ANO1: variants seen among roughly 807,000 people sequenced by gnomAD.
The protein encoded by ANO1 is anoctamin 1, also known as anoctamin-1.
A neutral mutation model predicts 124.0 loss-of-function variants in ANO1; 59 were observed. The observed-to-expected ratio is 0.48, with a 90% confidence interval of 0.39 to 0.59. The LOEUF (loss-of-function observed/expected upper bound fraction) is 0.59. ANO1 is among the 20% of genes least tolerant of loss of function. ANO1 has a pLI of 0.00. For synonymous variants in ANO1, 529 were observed against 532.0 expected (o/e 0.99, Z 0.08); for missense variants, 1,059 against 1,328.0 (o/e 0.80, Z 3.15).
At chr11:70,140,663 G>T (rs1315652789) in intron 11 of ANO1, among the ~76,000 whole-genome samples, 1 of 152,190 alleles carries the variant, frequency 6.6e-6, no homozygotes, top group African/African-American at 2.4e-5. Context: ...TTATGTAGAG[G>T]ATAACAAAGA....
chr11:70,105,209 C>A (rs545458704), intron 4 of ANO1, among the ~76,000 whole-genome samples: 4 of 152,312 alleles, frequency 2.6e-5, no homozygotes, highest in African/African-American at 9.6e-5. Flanking sequence ...CCCCGAAGTG[C>A]CTTGGAGAGC....
intron 1 of ANO1, among the ~76,000 whole-genome samples, chr11:70,035,402 A>T (rs1857077562): frequency 1.3e-5 from 2 of 152,216 alleles, no homozygotes; most frequent in South Asian, 4.2e-4. Flanking sequence ...TTTAAGCAAA[A>T]CCAAAATAAT....
At chr11:69,987,281 T>A (rs1164398522) in intron 1 of ANO1, among the ~76,000 whole-genome samples, 1 of 152,166 alleles carries the variant, frequency 6.6e-6, no homozygotes. Context: ...AGCTCACGTG[T>A]AGAAATGATC....
chr11:70,146,178 C>A (rs2047370881), intron 11 of ANO1, among the ~76,000 whole-genome samples: 1 of 152,120 alleles, frequency 6.6e-6, no homozygotes, highest in Admixed American at 6.5e-5. Context: ...ACTCTGGAGT[C>A]AAAGAGAATG....
rs1424786527 is a variant in ANO1 at position 70,087,890 on chromosome 11, G to T, written c.247G>T (p.Val83Leu). ...PSGNRTLVRR[V>L]QHSDTPSGAR... ...GGGCAACCGGACCCTGGTCAGGAGG[G>T]TGCAGCACAGCGACACCCCCTCTGG... The change falls in exon 2 of 26, where the codon GTG becomes TTG. Residue 83 changes from valine to leucine, a missense_variant. This residue lies in a region of ANO1 where 250 missense variants were observed against 233.1 expected (regional missense o/e 1.07). Coordinates refer to ENST00000355303, the MANE Select transcript of ANO1 (RefSeq NM_018043.7). The T allele has an allele frequency of 1.9e-6, 3 of 1,611,644 alleles. No homozygotes were observed. The highest frequency in any genetic ancestry group is 2.7e-5 in the African/African-American group (2 of 74,890).
At position 70,163,567 on chromosome 11, in the gene ANO1, G is replaced by A; in HGVS notation, c.1950+227G>A. On this transcript the variant is annotated intron_variant, in intron 19 of 25. Coordinates refer to ENST00000355303, the MANE Select transcript of ANO1 (RefSeq NM_018043.7). ...CCTAGAAGGATAAAGTCGCTGTAGA[G>A]TTAATGAAAGAAAAACACAACATCT... is the stretch of plus-strand genomic sequence containing the variant. The A allele has an allele frequency of 4.9e-6, 3 of 614,800 alleles. No homozygotes were observed. In the South Asian group the frequency reaches 5.9e-5, roughly 12 times the overall value. 38.1% of individuals were successfully genotyped at this position (614,800 alleles called of 1,614,324 possible).
At chr11:70,161,862 G>A in intron 18 of ANO1, 129 bp downstream of exon 18, 1 of 857,042 alleles carries the variant, frequency 1.2e-6, no homozygotes, top group Non-Finnish European at 1.9e-6. Context: ...CAGCCAAAGA[G>A]GGTCAGGGAG....
the ANO1 span, among the ~76,000 whole-genome samples, chr11:69,976,560 A>AGT: frequency 7.2e-6 from 1 of 137,992 alleles, no homozygotes; most frequent in Non-Finnish European, 1.6e-5. Context: ...AAAAAGAGAG[A>AGT]GAGAGAGAGA....
chr11:70,085,781 C>T (rs1395279761), intron 1 of ANO1: 49 of 1,293,388 alleles, frequency 3.8e-5, no homozygotes, highest in Non-Finnish European at 4.5e-5. Flanking sequence ...TCCCCCACTG[C>T]AGTGCTGACT....
intron 1 of ANO1, among the ~76,000 whole-genome samples, chr11:70,025,882 T>C (rs1180216367): frequency 8.6e-6 from 1 of 116,558 alleles, no homozygotes; most frequent in East Asian, 2.3e-4. Context: ...ATGGTGGTGG[T>C]GATGATGGTG....
intron 2 of ANO1, among the ~76,000 whole-genome samples, chr11:70,089,729 C>T (rs2044544056): frequency 6.6e-6 from 1 of 152,210 alleles, no homozygotes; most frequent in Non-Finnish European, 1.5e-5. Flanking sequence ...GAACAGTGTC[C>T]TGCCCGACTT....
chr11:70,131,834 G>T, intron 10 of ANO1, 85 bp from the exon 11 acceptor site: 2 of 1,484,910 alleles, frequency 1.3e-6, no homozygotes, highest in Non-Finnish European at 1.8e-6. Flanking sequence ...TGGGCCCAGC[G>T]CTTTCTCCCA....
At chr11:70,070,179 C>T (rs999913277) in intron 1 of ANO1, among the ~76,000 whole-genome samples, 5 of 152,066 alleles carry the variant, frequency 3.3e-5, no homozygotes, top group Non-Finnish European at 7.4e-5. Context: ...GTGCATTTTT[C>T]TAGGTCTCTG....
chr11:70,171,306 C>A (rs1264976344), intron 22 of ANO1, among the ~76,000 whole-genome samples: 3 of 152,154 alleles, frequency 2.0e-5, no homozygotes, highest in African/African-American at 4.8e-5. Flanking sequence ...AATGTCTCAA[C>A]AACCTGCTGC....
chr11:70,088,084 C>G lies in ANO1; in HGVS notation c.441C>G (p.Asp147Glu). 7.6e-7 allele frequency: 1 copy of G among 1,311,498 alleles called. No individual in the cohort carries two copies. Among genetic ancestry groups the G allele is most frequent in the Non-Finnish European group, 9.7e-7 (1 of 1,034,610 alleles). 81.2% of individuals were successfully genotyped at this position (1,311,498 alleles called of 1,614,324 possible). A position where few individuals can be genotyped will look rare whatever the true frequency, so the allele number is the denominator to read the frequency against. The change falls in exon 2 of 26, where the codon GAC becomes GAG. Residue 147 changes from aspartate (D) to glutamate (E), a missense_variant and splice_region_variant. Around this residue, in one of 2 missense-constraint regions of ANO1, gnomAD observed 250 missense variants for 233.1 expected, o/e 1.07. Transcript: ENST00000355303. Reference protein sequence around the residue: ...EAGLELERDEDTKIHGVGFVK... With the variant: ...EAGLELERDEETKIHGVGFVK... ...GCCTGGAGCTGGAGCGGGACGAGGACGTAACTATCTCACTGCGCGCTGTTT... is the reference window on the plus strand; with the variant it reads ...GCCTGGAGCTGGAGCGGGACGAGGAGGTAACTATCTCACTGCGCGCTGTTT...
chr11:70,082,461 G>C (rs1336128690), intron 1 of ANO1, among the ~76,000 whole-genome samples: 4 of 152,224 alleles, frequency 2.6e-5, no homozygotes, highest in African/African-American at 9.7e-5. Context: ...TTGGGAGGCA[G>C]AGGCACAAGA....
At chr11:70,057,173 T>C (rs560334457) in intron 1 of ANO1, among the ~76,000 whole-genome samples, 2 of 152,306 alleles carry the variant, frequency 1.3e-5, no homozygotes, top group Admixed American at 1.3e-4. Flanking sequence ...CTTCCTGGCA[T>C]GTGTGGTGAT....
chr11:70,059,170 C>T (rs112578509), intron 1 of ANO1, among the ~76,000 whole-genome samples: 286 of 151,024 alleles, frequency 1.9e-3, no homozygotes, highest in Middle Eastern at 0.014. Context: ...CCAACCTGAG[C>T]GACAGAGCCA....
Position 70,170,974 on chromosome 11 carries a change from G to A in ANO1, c.2285G>A (p.Arg762His), listed in dbSNP as rs770919354. The change falls in exon 22 of 26, where the codon CGC becomes CAC. Residue 762 changes from arginine (R) to histidine (H), a missense_variant. Coordinates refer to ENST00000355303, the MANE Select transcript of ANO1 (RefSeq NM_018043.7). ...FALLNNIIEI[R>H]LDAKKFVTEL... ...CTGCTGAACAACATCATCGAGATCC[G>A]CCTGGACGCCAAAAAGTTTGTCACT... is the stretch of plus-strand genomic sequence containing the variant. 3 of 1,612,784 alleles carry A rather than the reference G, an allele frequency of 1.9e-6. No individual in the cohort carries two copies. Among genetic ancestry groups the A allele is most frequent in the East Asian group, 2.2e-5 (1 of 44,860 alleles).
Sources: allele counts gnomAD v4.1 joint callset (sites outside exome capture counted in the v4.1 genomes callset), GRCh38; gene constraint gnomAD v4.1.1; regional missense constraint gnomAD v4.1.1; transcripts MANE v1.5; gene names NCBI Gene and HGNC (gene_info 2026-07-23, HGNC 2026-07-21).